The following MAP7D1 variants were observed in gnomAD, a reference collection of about 807,000 sequenced individuals.
MAP7D1 encodes the protein MAP7 domain containing 1, also known as MAP7 domain-containing protein 1.
In MAP7D1, 30 loss-of-function variants were observed where a neutral mutation model predicts 97.5. The ratio of observed to expected loss-of-function variants is 0.31; its 90% CI spans 0.23 to 0.42. The LOEUF is 0.42. MAP7D1 is among the 10% of genes least tolerant of loss of function. MAP7D1 has a pLI of 1.00. For synonymous variants in MAP7D1, 536 were observed against 477.1 expected, an observed-to-expected ratio of 1.12 and a Z score of -1.61; for missense variants, 1,184 against 1,179.5, an observed-to-expected ratio of 1.00 and a Z score of -0.06.
Position 36,176,389 on chromosome 1 carries a change from G to C in MAP7D1, c.1041G>C (p.Pro347=), listed in dbSNP as rs752710016. The change falls in exon 7 of 17, where the codon CCG becomes CCC. Residue 347 remains proline, a synonymous_variant. Coordinates refer to ENST00000474796, the MANE Select transcript of MAP7D1 (RefSeq NM_001388490.1). The surrounding 1 kb of genome is among the most constrained non-coding windows in gnomAD (Gnocchi z 6.1). ...GRAGASLARG[P]QPDRTHPSAA... Reference sequence around the variant, plus strand: ...CAGGGGCCAGCCTGGCGCGCGGGCCGCAACCCGACCGCACTCATCCCTCTG... The same window carrying C: ...CAGGGGCCAGCCTGGCGCGCGGGCCCCAACCCGACCGCACTCATCCCTCTG... 1.3e-6 allele frequency: 2 copies of C among 1,526,674 alleles called. No homozygotes were observed. Among genetic ancestry groups the C allele is most frequent in the East Asian group, 5.0e-5 (2 of 39,746 alleles). The allele number at this position is 1,526,674 out of a possible 1,614,324, so 94.6% of individuals were successfully genotyped here. A position where few individuals can be genotyped will look rare whatever the true frequency, so the allele number is the denominator to read the frequency against.
intron 1 of MAP7D1, among the ~76,000 whole-genome samples, chr1:36,165,919 G>A (rs1158453285): frequency 1.3e-5 from 2 of 151,788 alleles, no homozygotes; most frequent in Non-Finnish European, 1.5e-5. Flanking sequence ...TTTAGTAGAC[G>A]GGATTTCGCC....
intron 1 of MAP7D1, among the ~76,000 whole-genome samples, chr1:36,161,868 T>TAGA: frequency 7.8e-6 from 1 of 128,140 alleles, no homozygotes; most frequent in African/African-American, 3.0e-5. Context: ...TCTGCATGTG[T>TAGA]GTGTGTGTAT....
At chr1:36,179,114 G>A (rs1052916468) in intron 12 of MAP7D1, 89 bp downstream of exon 12, 110 of 1,502,178 alleles carry the variant, frequency 7.3e-5, no homozygotes, top group Non-Finnish European at 9.7e-5. Context: ...GACAGGACGG[G>A]AAAGCGCTGG....
chr1:36,163,339 T>C (rs890828346), intron 1 of MAP7D1, among the ~76,000 whole-genome samples: 2 of 152,226 alleles, frequency 1.3e-5, no homozygotes, highest in African/African-American at 4.8e-5. Context: ...CTGGTAGATA[T>C]TAGTGTAGCA....
At chr1:36,177,286 TG>T (rs1436935858) in intron 8 of MAP7D1, among the ~76,000 whole-genome samples, 20 of 152,238 alleles carry the variant, frequency 1.3e-4, no homozygotes, top group African/African-American at 4.6e-4. Context: ...TTTTTGTTTT[TG>T]TTTTTTTAAG....
chr1:36,179,345 G>T, intron 13 of MAP7D1, 30 bp downstream of exon 13: 5 of 1,613,328 alleles, frequency 3.1e-6, no homozygotes, highest in Non-Finnish European at 4.2e-6. Context: ...GCAGTGCTGG[G>T]CGTGGGGGGC....
chr1:36,172,645 G>A lies in MAP7D1; in HGVS notation c.624+18G>A, dbSNP rs375803472. The A allele has an allele frequency of 6.5e-6, 10 of 1,547,192 alleles. No homozygotes were observed. Among genetic ancestry groups the A allele is most frequent in the South Asian group, 2.4e-5 (2 of 84,790 alleles). The stretch of plus-strand genomic sequence containing the variant: ...AAAACAAGGTGCGGGATGGGTCTCC[G>A]TGAATCCATGTACACGTGTGCTCAC... On this transcript the variant is annotated intron_variant, in intron 4 of 16. Transcript: ENST00000474796.
intron 6 of MAP7D1, among the ~76,000 whole-genome samples, chr1:36,175,362 A>G (rs1411661623): frequency 6.6e-6 from 1 of 152,150 alleles, no homozygotes; most frequent in Non-Finnish European, 1.5e-5. Context: ...AACCTTAGCC[A>G]GGTGGCATTG....
Position 36,179,511 on chromosome 1 carries a change from G to A in MAP7D1, c.2185-4G>A. On this transcript the variant is annotated splice_polypyrimidine_tract_variant and splice_region_variant and intron_variant, in intron 13 of 16. Transcript: ENST00000474796. ...AGCCTGACTGCTCTTCCTCTTCAAA[G>A]CAGAAGCAGGACAGCAAGGAGGCCA... The A allele has an allele frequency of 6.3e-7, 1 of 1,580,128 alleles. No homozygotes were observed.
intron 3 of MAP7D1, chr1:36,171,934 CAA>C (rs10631607): frequency 5.2e-4 from 33 of 62,894 alleles, no homozygotes; most frequent in East Asian, 1.1e-3. Flanking sequence ...AACTCCGTCT[CAA>C]AAAAAAAAAA....
At chr1:36,163,463 G>A (rs1410963976) in intron 1 of MAP7D1, among the ~76,000 whole-genome samples, 1 of 152,178 alleles carries the variant, frequency 6.6e-6, no homozygotes, top group Non-Finnish European at 1.5e-5. Flanking sequence ...ATCATAAATA[G>A]ATTAACCATA....
Position 36,178,936 on chromosome 1 carries a change from G to A in MAP7D1, c.2041G>A (p.Ala681Thr). 6.4e-7 allele frequency: 1 copy of A among 1,556,308 alleles called. No homozygotes were observed. Among genetic ancestry groups the A allele is most frequent in the South Asian group, 1.2e-5 (1 of 84,416 alleles). ...RLQKQKEEAE[A>T]RSREEAERQR... Reference sequence around the variant, plus strand: ...TCTTTGGCAGAAAGAGGAGGCCGAAGCTCGGTCGCGGGAAGAGGCGGAGCG... The same window carrying A: ...TCTTTGGCAGAAAGAGGAGGCCGAAACTCGGTCGCGGGAAGAGGCGGAGCG... Residue 681 changes from alanine to threonine, a missense_variant, in exon 12 of 17, where the codon GCT (alanine) becomes ACT (threonine). Ala to Thr is a moderately conservative substitution (Grantham distance 58). Coordinates refer to ENST00000474796, the MANE Select transcript of MAP7D1 (RefSeq NM_001388490.1).
Position 36,178,734 on chromosome 1 carries a change from C to T in MAP7D1, c.1936C>T (p.Arg646Trp). ...ACGGGAGGCCGAGGCCCGGGCGGAG[C>T]GGGAGGCGGAGGCCCGGAGGCGGGA... Reference protein sequence around the residue: ...LAREAEARAEREAEARRREEQ... With the variant: ...LAREAEARAEWEAEARRREEQ... Residue 646 changes from arginine to tryptophan, a missense_variant, in exon 11 of 17, where the codon CGG becomes TGG. Physicochemically the swap from Arg to Trp is moderately radical, Grantham distance 101. Transcript: ENST00000474796. 1.3e-6 allele frequency: 2 copies of T among 1,542,290 alleles called. No homozygotes were observed. Among genetic ancestry groups the T allele is most frequent in the African/African-American group, 1.4e-5 (1 of 72,722 alleles).
intron 12 of MAP7D1, 76 bp from the exon 13 acceptor site, chr1:36,179,186 A>T: frequency 6.4e-7 from 1 of 1,566,690 alleles, no homozygotes; most frequent in Non-Finnish European, 8.8e-7. Flanking sequence ...TAAGACTCCG[A>T]GGCCGGGTCT....
At chr1:36,169,905 G>T (rs1036642245) in intron 1 of MAP7D1, among the ~76,000 whole-genome samples, 16 of 152,150 alleles carry the variant, frequency 1.1e-4, no homozygotes, top group African/African-American at 2.9e-4. Flanking sequence ...GAGGCAGAAG[G>T]ATCTCTTGAA....
At chr1:36,158,997 C>G (rs1644373882) in intron 1 of MAP7D1, among the ~76,000 whole-genome samples, 1 of 152,194 alleles carries the variant, frequency 6.6e-6, no homozygotes, top group Non-Finnish European at 1.5e-5. Flanking sequence ...AGACTAGGCC[C>G]TGGCACATAG....
At position 36,172,609 on chromosome 1, in the gene MAP7D1, G is replaced by A. The variant is rs748834290; in HGVS notation, c.606G>A (p.Gln202=). 3.2e-6 allele frequency: 5 copies of A among 1,569,860 alleles called. No homozygotes were observed. Among genetic ancestry groups the A allele is most frequent in the Admixed American group, 1.8e-5 (1 of 57,078 alleles). ...RRAALEERQR[Q]KLEKNKERYE... ...CAGCCCTGGAGGAACGGCAGCGGCA[G>A]AAGCTCGAGAAAAACAAGGTGCGGG... The change falls in exon 4 of 17, where the codon CAG becomes CAA. Residue 202 remains glutamine (Q), a synonymous_variant. Transcript: ENST00000474796.
Position 36,178,984 on chromosome 1 carries a change from C to T in MAP7D1, c.2089C>T (p.His697Tyr). Reference sequence around the variant, plus strand: ...GCGGCAGCGTCTGGAGCGGGAAAAGCACTTCCAGCAGCAGGAGCAAGAGCG... The same window carrying T: ...GCGGCAGCGTCTGGAGCGGGAAAAGTACTTCCAGCAGCAGGAGCAAGAGCG... ...AERQRLEREK[H>Y]FQQQEQERQE... The change falls in exon 12 of 17, where the codon CAC becomes TAC. Residue 697 changes from histidine (H) to tyrosine (Y), a missense_variant. By Grantham distance (83) the His-to-Tyr change is moderately conservative. Coordinates refer to ENST00000474796, the MANE Select transcript of MAP7D1 (RefSeq NM_001388490.1). 6.4e-7 allele frequency: 1 copy of T among 1,558,194 alleles called. No homozygotes were observed. Among genetic ancestry groups the T allele is most frequent in the Non-Finnish European group, 8.7e-7 (1 of 1,151,496 alleles).
At chr1:36,156,712 A>G (rs1557768415) in intron 1 of MAP7D1, among the ~76,000 whole-genome samples, 1 of 148,988 alleles carries the variant, frequency 6.7e-6, no homozygotes, top group Non-Finnish European at 1.5e-5. Flanking sequence ...CCCGCGCGGG[A>G]GTTGTTGGGG....
Sources: allele counts gnomAD v4.1 joint callset (sites outside exome capture counted in the v4.1 genomes callset), GRCh38; gene constraint gnomAD v4.1.1; non-coding constraint Gnocchi (gnomAD v3.1); transcripts MANE v1.5; gene names NCBI Gene and HGNC (gene_info 2026-07-23, HGNC 2026-07-21).